LRP1B: variants seen among roughly 807,000 people sequenced by gnomAD.
The protein encoded by LRP1B is LDL receptor related protein 1B, also known as low-density lipoprotein receptor-related protein 1B.
A neutral mutation model predicts 556.6 loss-of-function variants in LRP1B; 217 were observed. That is an observed-to-expected ratio of 0.39 (90% CI 0.35 to 0.44). The LOEUF (loss-of-function observed/expected upper bound fraction) is 0.44, where lower values mean the gene tolerates loss of function less well. Ranked by LOEUF, LRP1B falls within the 20% of genes least tolerant of loss-of-function variation. LRP1B has a pLI of 1.00. For missense variants in LRP1B, 5,053 were observed against 5,620.8 expected, an observed-to-expected ratio of 0.90 and a Z score of 3.23; for synonymous variants, 2,047 against 1,865.8, an observed-to-expected ratio of 1.10 and a Z score of -2.50.
intron 1 of LRP1B, among the ~76,000 whole-genome samples, chr2:141,927,593 C>T (rs1700368743): frequency 6.6e-6 from 1 of 151,888 alleles, no homozygotes; most frequent in Non-Finnish European, 1.5e-5. Context: ...ATCTACTTTT[C>T]CAAGCTTCCA....
intron 10 of LRP1B, among the ~76,000 whole-genome samples, chr2:141,052,074 C>T (rs1055552949): frequency 5.9e-5 from 9 of 151,796 alleles, no homozygotes; most frequent in Non-Finnish European, 1.0e-4. Flanking sequence ...AAATGGTTTT[C>T]TGTTTTCATC....
At chr2:140,962,613 G>A (rs943066807) in intron 18 of LRP1B, among the ~76,000 whole-genome samples, 15 of 152,194 alleles carry the variant, frequency 9.9e-5, no homozygotes, top group African/African-American at 3.1e-4. Flanking sequence ...TCCTGGCAGG[G>A]TACAGAAGGT....
intron 3 of LRP1B, among the ~76,000 whole-genome samples, chr2:141,464,595 TATATATATA>T: frequency 1.7e-5 from 1 of 58,254 alleles, no homozygotes; most frequent in African/African-American, 4.5e-5. Flanking sequence ...TATATATATA[TATATATATA>T]TATTTTTTTA....
intron 3 of LRP1B, among the ~76,000 whole-genome samples, chr2:141,397,817 A>T (rs576874186): frequency 6.6e-6 from 1 of 150,626 alleles, no homozygotes; most frequent in Non-Finnish European, 1.5e-5. Context: ...TTATATATAC[A>T]TATATATTTA....
intron 25 of LRP1B, among the ~76,000 whole-genome samples, chr2:140,876,663 C>G (rs1340079347): frequency 1.3e-5 from 2 of 152,058 alleles, no homozygotes; most frequent in Non-Finnish European, 2.9e-5. Context: ...CTTGGAACCT[C>G]AAGAGAAAAG....
In LRP1B at chr2:141,900,048, C is replaced by T. The variant is rs536141223; in HGVS notation, c.83-89647G>A. On this transcript the variant is annotated intron_variant, in intron 1 of 90. Coordinates refer to ENST00000389484, the MANE Select transcript of LRP1B (RefSeq NM_018557.3). Reference sequence around the variant, plus strand: ...GAATTACATGGGGCAATTTGTGTGACATATAGTTTCCTGTCTCAAGTGCCA... The same window carrying T: ...GAATTACATGGGGCAATTTGTGTGATATATAGTTTCCTGTCTCAAGTGCCA... Among the ~76,000 whole-genome samples, 3 of 152,168 alleles carry T rather than the reference C, an allele frequency of 2.0e-5. No homozygotes were observed. In the South Asian group the frequency reaches 6.2e-4, roughly 32 times the overall value.
chr2:141,312,553 G>A lies in LRP1B; in HGVS notation c.344-57912C>T, dbSNP rs1322690593. Among the ~76,000 whole-genome samples, 4 of 152,150 alleles carry A rather than the reference G, an allele frequency of 2.6e-5. No individual in the cohort carries two copies. The East Asian group carries it at 7.7e-4, about 29-fold the overall frequency. On this transcript the variant is annotated intron_variant, in intron 3 of 90. Transcript: ENST00000389484. ...GTGTGGAGATGGTTAAAAGGTCAAC[G>A]GTACTTAAGTGGTTGTGACAAGAAT...
chr2:140,275,266 A>G (rs1682622532), intron 84 of LRP1B, among the ~76,000 whole-genome samples: 1 of 152,048 alleles, frequency 6.6e-6, no homozygotes, highest in Non-Finnish European at 1.5e-5. Context: ...TTGTTACCCA[A>G]TAAATAGGAA....
At chr2:141,418,570 G>A (rs1680016099) in intron 3 of LRP1B, among the ~76,000 whole-genome samples, 1 of 151,650 alleles carries the variant, frequency 6.6e-6, no homozygotes, top group African/African-American at 2.4e-5. Context: ...TGGGCTCTGT[G>A]TTCTGTTCCA....
chr2:140,484,240 T>A (rs1041009578), intron 59 of LRP1B, among the ~76,000 whole-genome samples: 18 of 152,226 alleles, frequency 1.2e-4, no homozygotes, highest in African/African-American at 3.4e-4. Context: ...GTACAAAGCT[T>A]CTCCTATTAG....
At chr2:141,918,508 A>G (rs997577049) in intron 1 of LRP1B, among the ~76,000 whole-genome samples, 7 of 152,194 alleles carry the variant, frequency 4.6e-5, no homozygotes, top group African/African-American at 1.7e-4. Context: ...AAATTAGATA[A>G]CCTTCAAATG....
chr2:140,785,955 A>C (rs1233889357), intron 32 of LRP1B, among the ~76,000 whole-genome samples: 3 of 152,140 alleles, frequency 2.0e-5, no homozygotes, highest in Non-Finnish European at 2.9e-5. Context: ...TGTCTCAGGA[A>C]AGCTTTACTT....
At chr2:140,386,656 G>A (rs1432704232) in intron 66 of LRP1B, among the ~76,000 whole-genome samples, 2 of 152,130 alleles carry the variant, frequency 1.3e-5, no homozygotes, top group South Asian at 2.1e-4. Flanking sequence ...TACAGATGGT[G>A]AAATAAAAAC....
intron 2 of LRP1B, among the ~76,000 whole-genome samples, chr2:141,631,163 G>A (rs1044851940): frequency 1.1e-4 from 17 of 152,032 alleles, no homozygotes; most frequent in Admixed American, 1.1e-3. Context: ...AAGGAGAAAT[G>A]CCCAGCAAAA....
chr2:141,942,071 C>A lies in LRP1B; in HGVS notation c.83-131670G>T, dbSNP rs144732589. On this transcript the variant is annotated intron_variant, in intron 1 of 90. Transcript: ENST00000389484. ...GCACAATACTCTGTTTCTGGTGAAC[C>A]TCTGAAGATGCTGCTGATTGACTAT... 6.2e-3 allele frequency among the ~76,000 whole-genome samples: 941 copies of A among 152,216 alleles called. 2 individuals are homozygous for A. Among genetic ancestry groups the A allele is most frequent in the Non-Finnish European group, 0.01 (702 of 68,018 alleles).
chr2:141,055,482 T>A (rs1029651416), intron 9 of LRP1B, among the ~76,000 whole-genome samples: 2 of 151,672 alleles, frequency 1.3e-5, no homozygotes, highest in Non-Finnish European at 2.9e-5. Context: ...TTAAAAAAAA[T>A]TCTAAGAAAT....
chr2:141,824,176 T>C (rs547561171), intron 1 of LRP1B, among the ~76,000 whole-genome samples: 7 of 152,326 alleles, frequency 4.6e-5, no homozygotes, highest in African/African-American at 1.7e-4. Flanking sequence ...ATAACAGCTA[T>C]TGAATGTTCA....
chr2:141,591,999 T>A (rs1371355995), intron 2 of LRP1B, among the ~76,000 whole-genome samples: 1 of 152,070 alleles, frequency 6.6e-6, no homozygotes, highest in Non-Finnish European at 1.5e-5. Context: ...TGGAATTCCA[T>A]CCCTCAGTAA....
chr2:141,384,400 T>A lies in LRP1B; in HGVS notation c.343+95996A>T, dbSNP rs374557091. ...TGAGTCTTCTTTTAATTTTCCTGCA[T>A]TATTGGAAAGACAAATATATTTAAG... On this transcript the variant is annotated intron_variant, in intron 3 of 90. Coordinates refer to ENST00000389484, the MANE Select transcript of LRP1B (RefSeq NM_018557.3). Among the ~76,000 whole-genome samples, 5 of 152,122 alleles carry A rather than the reference T, an allele frequency of 3.3e-5. No individual in the cohort carries two copies. In the East Asian group the frequency reaches 5.8e-4, roughly 18 times the overall value.
Sources: allele counts gnomAD v4.1 joint callset (sites outside exome capture counted in the v4.1 genomes callset), GRCh38; gene constraint gnomAD v4.1.1; transcripts MANE v1.5; gene names NCBI Gene and HGNC (gene_info 2026-07-23, HGNC 2026-07-21).